MIA2: variants seen among roughly 807,000 people sequenced by gnomAD.
MIA2 encodes the protein MIA SH3 domain ER export factor 2, also known as melanoma inhibitory activity protein 2.
In MIA2, 127 loss-of-function variants were observed where a neutral mutation model predicts 167.8. That is an observed-to-expected ratio of 0.76 (90% CI 0.66 to 0.88). The LOEUF is 0.88. Ranked by LOEUF, MIA2 falls within the 40% of genes least tolerant of loss-of-function variation. The probability of loss-of-function intolerance (pLI) is 0.00; values close to 1 mark genes in which losing one functional copy is unlikely to be tolerated. For synonymous variants in MIA2, 552 were observed against 541.9 expected, an observed-to-expected ratio of 1.02 and a Z score of -0.26; for missense variants, 1,690 against 1,624.7, an observed-to-expected ratio of 1.04 and a Z score of -0.69.
At chr14:39,362,420 T>G (rs1337188131) in intron 23 of MIA2, among the ~76,000 whole-genome samples, 1 of 152,186 alleles carries the variant, frequency 6.6e-6, no homozygotes, top group African/African-American at 2.4e-5. Context: ...CTTGGTAGAT[T>G]GTATTTGTCT....
intron 23 of MIA2, among the ~76,000 whole-genome samples, chr14:39,382,955 T>G (rs2139370379): frequency 7.0e-6 from 1 of 143,186 alleles, no homozygotes; most frequent in African/African-American, 2.7e-5. Context: ...TGGCCACAGT[T>G]TTTTTTTTTT....
chr14:39,358,766 T>C (rs2074599507), intron 23 of MIA2, among the ~76,000 whole-genome samples: 1 of 152,252 alleles, frequency 6.6e-6, no homozygotes, highest in Non-Finnish European at 1.5e-5. Flanking sequence ...GTTTTCCTTC[T>C]AACAGTCAGG....
chr14:39,314,893 T>G, intron 20 of MIA2, 94 bp downstream of exon 20: 1 of 991,826 alleles, frequency 1.0e-6, no homozygotes, highest in Non-Finnish European at 1.4e-6. Flanking sequence ...AGGAATATAA[T>G]TACTTGACCA....
chr14:39,243,462 A>C (rs2054151177), intron 3 of MIA2, among the ~76,000 whole-genome samples: 1 of 152,224 alleles, frequency 6.6e-6, no homozygotes, highest in South Asian at 2.1e-4. Context: ...CAAGGAGGAA[A>C]TTTCCCTCTG....
intron 24 of MIA2, among the ~76,000 whole-genome samples, chr14:39,326,006 G>A (rs1010096530): frequency 2.0e-5 from 3 of 152,192 alleles, no homozygotes; most frequent in Admixed American, 6.5e-5. Context: ...GGGCCACTGC[G>A]TCCAGCCCTG....
chr14:39,235,544 G>A (rs575707162), intron 1 of MIA2, among the ~76,000 whole-genome samples: 13 of 152,232 alleles, frequency 8.5e-5, no homozygotes, highest in Non-Finnish European at 1.5e-5. Flanking sequence ...TTGAGAGACT[G>A]AGGTGGGAGG....
At chr14:39,358,814 C>G (rs540985671) in intron 23 of MIA2, among the ~76,000 whole-genome samples, 1 of 152,278 alleles carries the variant, frequency 6.6e-6, no homozygotes, top group African/African-American at 2.4e-5. Context: ...TGCTGGAGGT[C>G]CACTCCAGAC....
intron 6 of MIA2, among the ~76,000 whole-genome samples, chr14:39,262,361 T>G (rs2055164259): frequency 6.6e-6 from 1 of 152,220 alleles, no homozygotes. Context: ...CTGTGTTCTG[T>G]TCCATTGGTC....
chr14:39,306,223 T>C (rs2063319595), intron 17 of MIA2, among the ~76,000 whole-genome samples: 1 of 152,160 alleles, frequency 6.6e-6, no homozygotes, highest in African/African-American at 2.4e-5. Context: ...GGTTTGTATG[T>C]TTAATGGGTT....
intron 24 of MIA2, among the ~76,000 whole-genome samples, chr14:39,325,846 T>G (rs1470116725): frequency 6.6e-6 from 1 of 152,088 alleles, no homozygotes; most frequent in Non-Finnish European, 1.5e-5. Flanking sequence ...CCCTAGTAGC[T>G]GGGATTACAG....
intron 23 of MIA2, among the ~76,000 whole-genome samples, chr14:39,375,595 G>GC (rs1207628609): frequency 6.6e-6 from 1 of 152,166 alleles, no homozygotes; most frequent in African/African-American, 2.4e-5. Context: ...TACTCAGGAG[G>GC]CCAAGGCAAG....
rs562591365 is a variant in MIA2 at position 39,317,291 on chromosome 14, AC to A, written c.3217-652del. ...GTGACACTGAGCAGTAGCTTGTCAC[AC>A]GCTCCAGAGCTGAGCTACCCACAGG... On this transcript the variant is annotated intron_variant, in intron 21 of 28. Transcript: ENST00000640607. 1.4e-4 allele frequency among the ~76,000 whole-genome samples: 22 copies of A among 152,340 alleles called. No homozygotes were observed. The South Asian group carries it at 4.1e-3, about 29-fold the overall frequency.
At position 39,321,182 on chromosome 14, in the gene MIA2, A is replaced by G. The variant is rs974629138; in HGVS notation, c.3496+126A>G. On this transcript the variant is annotated intron_variant, in intron 24 of 28. Transcript: ENST00000640607. Reference sequence around the variant, plus strand: ...CAGGCATTCCTTGCACTTACTGTAGATAACTTTTATTTGGAAAAGGAGCTC... The same window carrying G: ...CAGGCATTCCTTGCACTTACTGTAGGTAACTTTTATTTGGAAAAGGAGCTC... The G allele has an allele frequency of 1.0e-5, 9 of 886,544 alleles. No homozygotes were observed. In the African/African-American group the frequency reaches 1.0e-4, roughly 10 times the overall value. The allele number at this position is 886,544 out of a possible 1,614,324, so 54.9% of individuals were successfully genotyped here. A position where few individuals can be genotyped will look rare whatever the true frequency, so the allele number is the denominator to read the frequency against.
At chr14:39,293,460 A>G (rs2061000214) in intron 11 of MIA2, 79 bp downstream of exon 11, 12 of 970,152 alleles carry the variant, frequency 1.2e-5, no homozygotes, top group Non-Finnish European at 1.5e-6. Context: ...TACTGGTTAA[A>G]GTATTACATT....
chr14:39,246,289 G>T (rs1460741655), intron 3 of MIA2, among the ~76,000 whole-genome samples: 3 of 151,920 alleles, frequency 2.0e-5, no homozygotes, highest in African/African-American at 4.8e-5. Flanking sequence ...GTAGAGATGG[G>T]TTTCGCCATG....
intron 4 of MIA2, among the ~76,000 whole-genome samples, chr14:39,249,974 C>T (rs1241872394): frequency 6.6e-6 from 1 of 152,128 alleles, no homozygotes; most frequent in Non-Finnish European, 1.5e-5. Context: ...TAGATTCTAA[C>T]CCTTTTCCAA....
intron 23 of MIA2, chr14:39,385,484 T>G: frequency 1.1e-6 from 1 of 941,780 alleles, no homozygotes; most frequent in Admixed American, 1.7e-5. Flanking sequence ...ACAGTGATCT[T>G]GCTCTCCTGT....
At chr14:39,377,428 C>T (rs2075065969) in intron 23 of MIA2, among the ~76,000 whole-genome samples, 1 of 151,156 alleles carries the variant, frequency 6.6e-6, no homozygotes, top group Non-Finnish European at 1.5e-5. Flanking sequence ...TTAGTGATTT[C>T]AAATCAGGAA....
chr14:39,385,590 T>C, intron 23 of MIA2: 1 of 810,656 alleles, frequency 1.2e-6, no homozygotes, highest in South Asian at 1.3e-5. Context: ...ATGAAACAAT[T>C]TCTATATCTA....
Sources: gnomAD v4.1 joint callset for allele counts (sites outside exome capture counted in the v4.1 genomes callset) on GRCh38, gnomAD v4.1.1 for gene constraint, MANE v1.5 for transcripts, NCBI Gene and HGNC (gene_info 2026-07-23, HGNC 2026-07-21) for gene names.